The following CAMKMT variants were observed in gnomAD, a reference collection of about 807,000 sequenced individuals.
CAMKMT encodes CaM KMT.
CAMKMT carries 53 observed loss-of-function variants against 48.0 expected under a neutral mutation model. The ratio of observed to expected loss-of-function variants is 1.10; its 90% CI spans 0.89 to 1.39. The LOEUF (loss-of-function observed/expected upper bound fraction) is 1.39. Ranked by LOEUF, CAMKMT falls within the 40% of genes most tolerant of loss-of-function variation. The pLI is 0.00. For synonymous variants in CAMKMT, 165 were observed against 152.3 expected, an observed-to-expected ratio of 1.08 and a Z score of -0.61; for missense variants, 428 against 402.7, an observed-to-expected ratio of 1.06 and a Z score of -0.54.
chr2:44,576,205 G>A (rs1186052813), intron 3 of CAMKMT, among the ~76,000 whole-genome samples: 7 of 151,552 alleles, frequency 4.6e-5, no homozygotes, highest in Non-Finnish European at 1.0e-4. Flanking sequence ...GCACATGCCT[G>A]TAATCCCAGC....
chr2:44,384,121 T>A (rs1680535982), intron 2 of CAMKMT, among the ~76,000 whole-genome samples: 1 of 152,214 alleles, frequency 6.6e-6, no homozygotes, highest in African/African-American at 2.4e-5. Context: ...GATCACAGCA[T>A]CCACGCCAGT....
chr2:44,641,881 C>G (rs1673470050), intron 3 of CAMKMT, among the ~76,000 whole-genome samples: 1 of 152,126 alleles, frequency 6.6e-6, no homozygotes, highest in Non-Finnish European at 1.5e-5. Context: ...ATCTGATCCT[C>G]AACATGAACC....
chr2:44,601,872 C>T (rs1671012558), intron 3 of CAMKMT, among the ~76,000 whole-genome samples: 1 of 151,914 alleles, frequency 6.6e-6, no homozygotes, highest in Non-Finnish European at 1.5e-5. Context: ...ATCATGATTC[C>T]ATGTCTAGAG....
At chr2:44,362,171 C>T (rs749124692) in intron 1 of CAMKMT, 26 bp downstream of exon 1, 3 of 1,448,116 alleles carry the variant, frequency 2.1e-6, no homozygotes, top group South Asian at 1.4e-5. Context: ...CTCGCCTCAC[C>T]TTTGCCTCTG....
At chr2:44,668,059 T>TAATG (rs1465281548) in intron 3 of CAMKMT, among the ~76,000 whole-genome samples, 1 of 152,234 alleles carries the variant, frequency 6.6e-6, no homozygotes, top group African/African-American at 2.4e-5. Context: ...TTGGTTTGAA[T>TAATG]AATGACCACA....
At chr2:44,416,126 GA>G (rs1044480078) in intron 3 of CAMKMT, among the ~76,000 whole-genome samples, 96 of 152,182 alleles carry the variant, frequency 6.3e-4, no homozygotes, top group African/African-American at 2.2e-3. Context: ...ATTATTTAAA[GA>G]AAAAAGCAAT....
chr2:44,477,852 T>G (rs1668766966), intron 3 of CAMKMT, among the ~76,000 whole-genome samples: 1 of 152,224 alleles, frequency 6.6e-6, no homozygotes, highest in African/African-American at 2.4e-5. Flanking sequence ...AGGCTAAGCT[T>G]GGTCACAGGT....
At chr2:44,444,374 A>G (rs1413419917) in intron 3 of CAMKMT, among the ~76,000 whole-genome samples, 1 of 152,180 alleles carries the variant, frequency 6.6e-6, no homozygotes, top group African/African-American at 2.4e-5. Context: ...TATTATATGT[A>G]TCATTCCCAG....
chr2:44,441,309 C>G (rs912865075), intron 3 of CAMKMT, among the ~76,000 whole-genome samples: 1 of 152,080 alleles, frequency 6.6e-6, no homozygotes, highest in Non-Finnish European at 1.5e-5. Flanking sequence ...TAAATTGTAA[C>G]TAATAATTTG....
At chr2:44,723,198 T>C (rs749806263) in intron 7 of CAMKMT, among the ~76,000 whole-genome samples, 7 of 152,186 alleles carry the variant, frequency 4.6e-5, no homozygotes, top group Admixed American at 3.3e-4. Context: ...AACAGGTAAC[T>C]CTGACGCCTG....
At chr2:44,582,964 G>C (rs1294546899) in intron 3 of CAMKMT, among the ~76,000 whole-genome samples, 1 of 152,064 alleles carries the variant, frequency 6.6e-6, no homozygotes, top group African/African-American at 2.4e-5. Context: ...CATACTATCA[G>C]CATAGTATTT....
chr2:44,431,647 G>C (rs908466410), intron 3 of CAMKMT, among the ~76,000 whole-genome samples: 1 of 152,148 alleles, frequency 6.6e-6, no homozygotes, highest in Admixed American at 6.5e-5. Flanking sequence ...AGTGCAATAT[G>C]AAGCTTCAGT....
chr2:44,460,968 C>G (rs1466230461), intron 3 of CAMKMT, among the ~76,000 whole-genome samples: 1 of 152,076 alleles, frequency 6.6e-6, no homozygotes, highest in Non-Finnish European at 1.5e-5. Flanking sequence ...AAGTGATCCA[C>G]CCGCCTCAGC....
intron 3 of CAMKMT, among the ~76,000 whole-genome samples, chr2:44,416,399 A>G (rs928726882): frequency 3.9e-5 from 6 of 152,122 alleles, no homozygotes; most frequent in African/African-American, 1.2e-4. Context: ...GAACATTTCT[A>G]TCACCCCAGA....
intron 1 of CAMKMT, among the ~76,000 whole-genome samples, chr2:44,369,303 T>C (rs1039836736): frequency 1.3e-5 from 2 of 152,236 alleles, no homozygotes. Context: ...CTACATAGTA[T>C]ATAAAATTTA....
intron 10 of CAMKMT, among the ~76,000 whole-genome samples, chr2:44,768,361 A>ATATATATATATATATTT (rs35058824): frequency 1.7e-5 from 2 of 115,726 alleles, no homozygotes; most frequent in African/African-American, 7.4e-5. Context: ...ATATATATAT[A>ATATATATATATATATTT]TTTTTTTTTT....
At chr2:44,484,704 AC>A (rs1364273707) in intron 3 of CAMKMT, among the ~76,000 whole-genome samples, 33 of 145,362 alleles carry the variant, frequency 2.3e-4, no homozygotes, top group South Asian at 1.3e-3. Flanking sequence ...AAAAAAAAAA[AC>A]CATACAGAAA....
intron 3 of CAMKMT, among the ~76,000 whole-genome samples, chr2:44,673,077 G>A (rs1029871516): frequency 1.2e-4 from 19 of 152,046 alleles, no homozygotes; most frequent in African/African-American, 4.6e-4. Context: ...GATTTTGTTT[G>A]ATTTTTTTAA....
intron 8 of CAMKMT, among the ~76,000 whole-genome samples, chr2:44,746,848 T>G (rs1304427759): frequency 6.6e-6 from 1 of 152,202 alleles, no homozygotes; most frequent in African/African-American, 2.4e-5. Context: ...TAGTGAGTGA[T>G]TGTTAATTTT....
Sources: allele counts gnomAD v4.1 joint callset (sites outside exome capture counted in the v4.1 genomes callset), GRCh38; gene constraint gnomAD v4.1.1; transcripts MANE v1.5; gene names NCBI Gene and HGNC (gene_info 2026-07-23, HGNC 2026-07-21).